Variants in ANKRD36C observed in about 807,000 individuals in gnomAD.
ANKRD36C encodes the protein ankyrin repeat domain 36C, also known as ankyrin repeat domain-containing protein 36C.
Under a neutral mutation model 276.4 loss-of-function variants are expected in ANKRD36C, and 61 were observed. The observed-to-expected ratio is 0.22, with a 90% CI of 0.18 to 0.27. The LOEUF is 0.27. ANKRD36C is among the 10% of genes least tolerant of loss of function. The pLI is 1.00. For synonymous variants in ANKRD36C, 483 were observed against 680.1 expected (o/e 0.71, Z 4.51); for missense variants, 1,447 against 2,032.3 (o/e 0.71, Z 5.54).
At chr2:95,859,447 G>T (rs887830943) in intron 61 of ANKRD36C, among the ~76,000 whole-genome samples, 2 of 152,052 alleles carry the variant, frequency 1.3e-5, no homozygotes, top group Non-Finnish European at 2.9e-5. Flanking sequence ...ATTGATCAAA[G>T]ATCTAAAACA....
chr2:95,873,573 C>A (rs374800117), intron 59 of ANKRD36C, among the ~76,000 whole-genome samples: 5,055 of 152,248 alleles, frequency 0.033, 117 homozygotes, highest in Middle Eastern at 0.051. Flanking sequence ...ACTGAATGGG[C>A]AAAAACTGGA....
chr2:95,917,889 G>A (rs1245782226), exon 36 of ANKRD36C: 3 of 1,606,788 alleles, frequency 1.9e-6, no homozygotes, highest in Admixed American at 1.7e-5. Context: ...TTATTTCTGT[G>A]GCTATAATCG....
chr2:95,987,857 T>C (rs1249567028), intron 1 of ANKRD36C, among the ~76,000 whole-genome samples: 1 of 152,064 alleles, frequency 6.6e-6, no homozygotes, highest in Non-Finnish European at 1.5e-5. Context: ...CTATTAAAGA[T>C]TAGATGTATC....
At chr2:95,914,054 G>A in intron 40 of ANKRD36C, 54 bp downstream of exon 42, 1 of 1,489,272 alleles carries the variant, frequency 6.7e-7, no homozygotes, top group Non-Finnish European at 9.1e-7. Flanking sequence ...TCAGGGAAGA[G>A]AATTTCTTAT....
At chr2:95,849,218 C>T (rs1573712242), downstream of ANKRD36C, among the ~76,000 whole-genome samples, 1 of 152,062 alleles carries the variant, frequency 6.6e-6, no homozygotes, top group East Asian at 1.9e-4. Flanking sequence ...CACCACCACA[C>T]CCAGCTAATT....
chr2:95,861,440 TC>T (rs1278624800), intron 60 of ANKRD36C, among the ~76,000 whole-genome samples: 1 of 148,756 alleles, frequency 6.7e-6, no homozygotes, highest in African/African-American at 2.5e-5. Flanking sequence ...CAAACCATAA[TC>T]CCACAGATTC....
At chr2:95,923,435 G>A in intron 32 of ANKRD36C, 60 bp downstream of exon 32, 1 of 1,577,186 alleles carries the variant, frequency 6.3e-7, no homozygotes. Context: ...TTTATTCAGG[G>A]AAGAGAAGTT....
At chr2:95,889,082 T>C (rs1374224534) in intron 48 of ANKRD36C, among the ~76,000 whole-genome samples, 1 of 151,566 alleles carries the variant, frequency 6.6e-6, no homozygotes. Flanking sequence ...ATCTCAGTTT[T>C]ATAACTGAAA....
intron 42 of ANKRD36C, 25 bp downstream of exon 54, chr2:95,902,861 A>T (rs1207254901): frequency 6.5e-7 from 1 of 1,548,472 alleles, no homozygotes; most frequent in Non-Finnish European, 8.7e-7. Flanking sequence ...ACTGAACATG[A>T]CATTAAATCT....
At chr2:95,870,539 A>G (rs1172505327) in intron 59 of ANKRD36C, among the ~76,000 whole-genome samples, 1 of 152,140 alleles carries the variant, frequency 6.6e-6, no homozygotes, top group Middle Eastern at 3.2e-3. Flanking sequence ...AAAGACCAAA[A>G]GTAGATAAAA....
intron 46 of ANKRD36C, 45 bp from the exon 67 acceptor site, chr2:95,890,039 T>A (rs1482187886): frequency 1.3e-6 from 2 of 1,588,814 alleles, no homozygotes; most frequent in Admixed American, 1.7e-5. Flanking sequence ...GTAAATATGA[T>A]AAAGTTATTC....
chr2:95,863,268 A>G (rs1301754456), intron 60 of ANKRD36C, among the ~76,000 whole-genome samples: 1 of 152,084 alleles, frequency 6.6e-6, no homozygotes, highest in Non-Finnish European at 1.5e-5. Context: ...TAAAAATGAA[A>G]ATTAGCAAAT....
At chr2:95,986,496 C>T in intron 3 of ANKRD36C, 1 of 430,970 alleles carries the variant, frequency 2.3e-6, no homozygotes, top group Non-Finnish European at 4.0e-6. Flanking sequence ...ATTCAGTTGT[C>T]ATGAATTCCA....
downstream of ANKRD36C, chr2:95,848,963 T>C (rs1329843591): frequency 1.9e-5 from 8 of 412,630 alleles, no homozygotes. Flanking sequence ...TAAATACTTT[T>C]GCATGTCACA....
At chr2:95,970,208 G>A (rs550233869) in intron 6 of ANKRD36C, among the ~76,000 whole-genome samples, 119 of 152,324 alleles carry the variant, frequency 7.8e-4, no homozygotes, top group Middle Eastern at 3.4e-3. Flanking sequence ...CAATGCAGAA[G>A]AGCCTAAGAG....
At chr2:95,922,495 C>G (rs531608114) in intron 32 of ANKRD36C, among the ~76,000 whole-genome samples, 124 of 151,636 alleles carry the variant, frequency 8.2e-4, no homozygotes, top group African/African-American at 2.2e-3. Context: ...ATATAAACCT[C>G]AATAAAAAGC....
chr2:95,910,413 A>G, intron 42 of ANKRD36C: 1 of 1,555,830 alleles, frequency 6.4e-7, no homozygotes, highest in Non-Finnish European at 8.7e-7. Flanking sequence ...CTCTGGCTAT[A>G]CTCAAAACAG....
chr2:95,869,371 A>C (rs1675751538), intron 59 of ANKRD36C, among the ~76,000 whole-genome samples: 1 of 152,232 alleles, frequency 6.6e-6, no homozygotes, highest in African/African-American at 2.4e-5. Context: ...GACTTGTGGT[A>C]CTATAAAGGC....
chr2:95,870,420 T>A (rs1341502440), intron 59 of ANKRD36C, among the ~76,000 whole-genome samples: 1 of 152,182 alleles, frequency 6.6e-6, no homozygotes, highest in Non-Finnish European at 1.5e-5. Flanking sequence ...GGAGTGGACC[T>A]CTAGCAAACT....
Sources: gnomAD v4.1 joint callset for allele counts (sites outside exome capture counted in the v4.1 genomes callset) on GRCh38, gnomAD v4.1.1 for gene constraint, MANE v1.5 for transcripts, NCBI Gene and HGNC (gene_info 2026-07-23, HGNC 2026-07-21) for gene names.